Variants in ZCCHC24 observed in about 807,000 individuals in gnomAD.
The protein encoded by ZCCHC24 is zinc finger CCHC-type containing 24.
A neutral mutation model predicts 26.2 loss-of-function variants in ZCCHC24; 10 were observed. That is an observed-to-expected ratio of 0.38 (90% confidence interval 0.24 to 0.65). The LOEUF (loss-of-function observed/expected upper bound fraction) is 0.65, where lower values mean the gene tolerates loss of function less well. Among genes scored for constraint, ZCCHC24 ranks in the 30% least tolerant of loss-of-function variants. ZCCHC24 has a pLI of 0.54. For synonymous variants in ZCCHC24, 144 were observed against 147.1 expected, an observed-to-expected ratio of 0.98 and a Z score of 0.15; for missense variants, 243 against 329.1, an observed-to-expected ratio of 0.74 and a Z score of 2.03.
chr10:79,445,517 G>T lies in ZCCHC24; in HGVS notation c.-77C>A, dbSNP rs1483149883. On this transcript the variant is annotated 5_prime_UTR_variant, in exon 1 of 4. Transcript: ENST00000372336. ...CCGCAGCGGAGGGGCGGGCACCGGGGAGCCTGTGCCCACTGCCCGCCTCCC... is the reference window on the plus strand; with the variant it reads ...CCGCAGCGGAGGGGCGGGCACCGGGTAGCCTGTGCCCACTGCCCGCCTCCC... 2.5e-6 allele frequency: 3 copies of T among 1,221,554 alleles called. No homozygotes were observed. The highest frequency in any genetic ancestry group is 3.1e-6 in the Non-Finnish European group (3 of 969,486). The allele number at this position is 1,221,554 out of a possible 1,614,324, so 75.7% of individuals were successfully genotyped here. A position where few individuals can be genotyped will look rare whatever the true frequency, so the allele number is the denominator to read the frequency against.
At chr10:79,427,589 T>A (rs945432991) in intron 2 of ZCCHC24, among the ~76,000 whole-genome samples, 1 of 148,686 alleles carries the variant, frequency 6.7e-6, no homozygotes, top group Non-Finnish European at 1.5e-5. Context: ...AAATAACCAG[T>A]GAGTCAAAGA....
intron 2 of ZCCHC24, among the ~76,000 whole-genome samples, chr10:79,411,733 A>G (rs1023063445): frequency 1.3e-5 from 2 of 152,140 alleles, no homozygotes; most frequent in African/African-American, 4.8e-5. Flanking sequence ...ATCCCAGGCC[A>G]GTGCTAGGGA....
chr10:79,393,473 T>TCCAGCTCCAGAG (rs1856504472), intron 3 of ZCCHC24, among the ~76,000 whole-genome samples: 1 of 152,196 alleles, frequency 6.6e-6, no homozygotes, highest in Non-Finnish European at 1.5e-5. Flanking sequence ...TGGTGTCACA[T>TCCAGCTCCAGAG]CCAGCTCCAG....
At chr10:79,417,650 G>A (rs1427982474) in intron 2 of ZCCHC24, among the ~76,000 whole-genome samples, 2 of 152,176 alleles carry the variant, frequency 1.3e-5, no homozygotes, top group Non-Finnish European at 2.9e-5. Context: ...GATGAAGAAA[G>A]AGAAGAAGAG....
chr10:79,397,339 G>A (rs565149575), intron 2 of ZCCHC24, among the ~76,000 whole-genome samples: 1 of 152,212 alleles, frequency 6.6e-6, no homozygotes, highest in Non-Finnish European at 1.5e-5. Context: ...CCAGGGGAGT[G>A]CTCAGTGGGC....
In ZCCHC24 at chr10:79,445,247, G is replaced by A. The variant is rs1564643979; in HGVS notation, c.194C>T (p.Ser65Leu). The change falls in exon 1 of 4, where the codon TCG becomes TTG. Residue 65 changes from serine (S) to leucine (L), a missense_variant. Transcript: ENST00000372336. Reference protein sequence around the residue: ...FGKGRPEQLGSPLHSSYLNSF... With the variant: ...FGKGRPEQLGLPLHSSYLNSF... The stretch of plus-strand genomic sequence containing the variant: ...GTTGAGATAGCTGGAGTGCAGGGGC[G>A]AGCCCAGCTGCTCGGGGCGGCCCTT... 1.4e-6 allele frequency: 2 copies of A among 1,402,900 alleles called. No homozygotes were observed. Among genetic ancestry groups the A allele is most frequent in the Non-Finnish European group, 1.9e-6 (2 of 1,073,186 alleles). 86.9% of individuals were successfully genotyped at this position (1,402,900 alleles called of 1,614,324 possible). A position where few individuals can be genotyped will look rare whatever the true frequency, so the allele number is the denominator to read the frequency against.
chr10:79,394,270 G>T lies in ZCCHC24; in HGVS notation c.612+6C>A. ...TTCTGAGAAGGCCCCAGCCTGCCCG[G>T]CTCACCTGCTTGTGTGGATACACGT... On this transcript the variant is annotated splice_donor_region_variant and intron_variant, in intron 3 of 3. Transcript: ENST00000372336. The T allele has an allele frequency of 1.2e-6, 2 of 1,612,310 alleles. No individual in the cohort carries two copies. Among genetic ancestry groups the T allele is most frequent in the Non-Finnish European group, 8.5e-7 (1 of 1,178,856 alleles).
chr10:79,398,064 C>A (rs527246030), intron 2 of ZCCHC24, among the ~76,000 whole-genome samples: 1 of 152,348 alleles, frequency 6.6e-6, no homozygotes, highest in Non-Finnish European at 1.5e-5. Context: ...TCCGTCAGGG[C>A]GTGTGGGCTG....
intron 2 of ZCCHC24, among the ~76,000 whole-genome samples, chr10:79,431,529 G>A (rs1363616887): frequency 6.6e-6 from 1 of 152,200 alleles, no homozygotes; most frequent in Non-Finnish European, 1.5e-5. Flanking sequence ...TGGAGGCACT[G>A]ATGCATCTCT....
chr10:79,404,881 C>T (rs796953632), intron 2 of ZCCHC24, among the ~76,000 whole-genome samples: 11 of 152,370 alleles, frequency 7.2e-5, no homozygotes, highest in African/African-American at 2.4e-4. Flanking sequence ...CTGCAAGTGA[C>T]ATGCTGCCCA....
intron 1 of ZCCHC24, among the ~76,000 whole-genome samples, chr10:79,436,666 C>G (rs11002982): frequency 0.25 from 38,438 of 152,244 alleles, 5,861 homozygotes; most frequent in African/African-American, 0.43. Flanking sequence ...ACAGCCTGCC[C>G]TGGGTGCGAT....
intron 2 of ZCCHC24, 92 bp downstream of exon 2, chr10:79,432,465 TG>T: frequency 1.5e-6 from 2 of 1,352,056 alleles, no homozygotes; most frequent in Non-Finnish European, 2.0e-6. Context: ...GAAGGGGCCC[TG>T]GGGACACTGC....
chr10:79,408,098 C>A (rs1419304215), intron 2 of ZCCHC24, among the ~76,000 whole-genome samples: 2 of 152,220 alleles, frequency 1.3e-5, no homozygotes, highest in Non-Finnish European at 2.9e-5. Flanking sequence ...CCTCCACCAC[C>A]GATGTTTGCC....
At chr10:79,437,868 C>T (rs7097743) in intron 1 of ZCCHC24, among the ~76,000 whole-genome samples, 52,327 of 152,054 alleles carry the variant, frequency 0.34, 9,835 homozygotes, top group African/African-American at 0.51. Context: ...GTAGGCACAG[C>T]AGGTGAGGGG....
intron 2 of ZCCHC24, among the ~76,000 whole-genome samples, chr10:79,428,501 T>A (rs1857077654): frequency 6.9e-6 from 1 of 145,768 alleles, no homozygotes; most frequent in African/African-American, 2.5e-5. Context: ...AAAAGAGCTC[T>A]GTGGCTGGAA....
rs1331118165 is a variant in ZCCHC24 at position 79,386,025 on chromosome 10, C to T, written c.*320G>A. The T allele has an allele frequency of 3.8e-6, 2 of 522,008 alleles. No individual in the cohort carries two copies. Among genetic ancestry groups the T allele is most frequent in the Non-Finnish European group, 6.9e-6 (2 of 291,258 alleles). The allele number at this position is 522,008 out of a possible 1,614,324, so 32.3% of individuals were successfully genotyped here. ...CAAGGCTGCTCACCCCAAAGAGGCT[C>T]TCAGAGGCGAGCCTGTGGGGACACC... On this transcript the variant is annotated 3_prime_UTR_variant, in exon 4 of 4. Transcript: ENST00000372336.
intron 2 of ZCCHC24, among the ~76,000 whole-genome samples, chr10:79,423,581 C>CTATATA (rs561884774): frequency 0.021 from 1,143 of 53,722 alleles, 76 homozygotes; most frequent in African/African-American, 0.083. Flanking sequence ...AATATATATA[C>CTATATA]TATATATATA....
intron 2 of ZCCHC24, among the ~76,000 whole-genome samples, chr10:79,398,811 C>G (rs1485843967): frequency 6.6e-6 from 1 of 152,152 alleles, no homozygotes; most frequent in African/African-American, 2.4e-5. Context: ...AGACCCCCAG[C>G]CAACTCTCCT....
Position 79,445,600 on chromosome 10 carries a change from C to A in ZCCHC24, c.-160G>T, listed in dbSNP as rs1857357178. On this transcript the variant is annotated 5_prime_UTR_variant, in exon 1 of 4. Transcript: ENST00000372336. ...CCCCGCGCGCTGCCCGCAGCCGCTG[C>A]CGCTGCCGCCGCCTCCCCCCGACTG... is the stretch of plus-strand genomic sequence containing the variant. The A allele has an allele frequency of 2.0e-6, 1 of 503,840 alleles. No individual in the cohort carries two copies. Among genetic ancestry groups the A allele is most frequent in the African/African-American group, 2.1e-5 (1 of 47,740 alleles). The allele number at this position is 503,840 out of a possible 1,614,324, so 31.2% of individuals were successfully genotyped here.
Sources: allele counts gnomAD v4.1 joint callset (sites outside exome capture counted in the v4.1 genomes callset), GRCh38; gene constraint gnomAD v4.1.1; transcripts MANE v1.5; gene names NCBI Gene and HGNC (gene_info 2026-07-23, HGNC 2026-07-21).